The following OGG1 variants were observed in gnomAD, a reference collection of about 807,000 sequenced individuals.
The protein encoded by OGG1 is 8-oxoguanine DNA glycosylase.
OGG1 carries 35 observed loss-of-function variants against 42.3 expected under a neutral mutation model. The observed-to-expected ratio is 0.83, with a 90% CI of 0.63 to 1.10. The LOEUF (loss-of-function observed/expected upper bound fraction) is 1.10. Ranked by LOEUF, OGG1 falls within the 50% of genes least tolerant of loss-of-function variation. OGG1 has a pLI of 0.00. For missense variants in OGG1, 484 were observed against 446.7 expected, an observed-to-expected ratio of 1.08 and a Z score of -0.75; for synonymous variants, 189 against 179.0, an observed-to-expected ratio of 1.06 and a Z score of -0.44.
At chr3:9,771,973 C>T (rs145336741) in intron 2 of OGG1, among the ~76,000 whole-genome samples, 215 of 152,084 alleles carry the variant, frequency 1.4e-3, no homozygotes, top group African/African-American at 4.8e-3. Flanking sequence ...TGAACCAACA[C>T]GCCCAACTAA....
downstream of OGG1, chr3:9,760,086 C>CAA (rs35548060): frequency 9.1e-6 from 2 of 220,300 alleles, no homozygotes; most frequent in South Asian, 6.7e-5. Flanking sequence ...ACTAAAAATA[C>CAA]AAAAAAAATT....
At chr3:9,766,524 C>T in exon 8 of OGG1, 1 of 443,344 alleles carries the variant, frequency 2.3e-6, no homozygotes, top group Non-Finnish European at 3.7e-6. Flanking sequence ...TAGGCCCTGC[C>T]CCAGATTTAC....
chr3:9,759,283 G>A (rs779020582), downstream of OGG1: 3 of 1,610,134 alleles, frequency 1.9e-6, no homozygotes, highest in South Asian at 1.1e-5. Flanking sequence ...CTCTAGACTT[G>A]GAGGTGAGGG....
chr3:9,756,986 C>T, intron 6 of OGG1, 75 bp from the exon 7 acceptor site: 1 of 1,612,840 alleles, frequency 6.2e-7, no homozygotes, highest in Non-Finnish European at 8.5e-7. Flanking sequence ...CTTCCACCTC[C>T]CAACACTGTC....
chr3:9,761,242 T>C (rs2077852535), downstream of OGG1: 8 of 494,698 alleles, frequency 1.6e-5, no homozygotes, highest in Non-Finnish European at 2.8e-5. Flanking sequence ...GCAGGCACTT[T>C]GTCTGGTTTG....
At chr3:9,786,877 G>A in intron 3 of OGG1, 1 of 796,644 alleles carries the variant, frequency 1.3e-6, no homozygotes, top group Non-Finnish European at 2.1e-6. Flanking sequence ...ATTAGTCCAG[G>A]TTTTTACTTT....
intron 4 of OGG1, among the ~76,000 whole-genome samples, chr3:9,755,824 A>T (rs911809603): frequency 6.6e-6 from 1 of 150,860 alleles, no homozygotes; most frequent in African/African-American, 2.4e-5. Context: ...TTTTTTTTTG[A>T]TGGGCTTTGG....
chr3:9,758,031 C>G (rs372661748), downstream of OGG1: 5 of 829,090 alleles, frequency 6.0e-6, no homozygotes, highest in East Asian at 1.1e-4. Flanking sequence ...CACACACACA[C>G]GCACATATGT....
rs2077463769 is a variant in OGG1, at chr3:9,754,838, G to A, written c.700G>A (p.Glu234Lys). 6.2e-7 allele frequency: 1 copy of A among 1,610,144 alleles called. No homozygotes were observed. Among genetic ancestry groups the A allele is most frequent in the African/African-American group, 1.3e-5 (1 of 74,892 alleles). Residue 234 changes from glutamate to lysine, a missense_variant, in exon 4 of 7, where the codon GAG (glutamate) becomes AAG (lysine). Glu to Lys is a moderately conservative substitution (Grantham distance 56). Coordinates refer to ENST00000344629, the MANE Select transcript of OGG1 (RefSeq NM_002542.6). Reference protein sequence around the residue: ...WLQQLRESSYEEAHKALCILP... With the variant: ...WLQQLRESSYKEAHKALCILP... Reference sequence around the variant, plus strand: ...GCAGCAGCTACGAGAGTCCTCATATGAGGAGGCCCACAAGGCCCTCTGCAT... The same window carrying A: ...GCAGCAGCTACGAGAGTCCTCATATAAGGAGGCCCACAAGGCCCTCTGCAT...
chr3:9,774,122 T>C (rs1448695943), intron 2 of OGG1, among the ~76,000 whole-genome samples: 1 of 152,062 alleles, frequency 6.6e-6, no homozygotes, highest in Non-Finnish European at 1.5e-5. Context: ...TTTTTTAAAA[T>C]TCTTTGGCTG....
chr3:9,779,157 C>G (rs1373911820), intron 2 of OGG1, among the ~76,000 whole-genome samples: 3 of 152,180 alleles, frequency 2.0e-5, no homozygotes, highest in Admixed American at 2.0e-4. Flanking sequence ...TTCCCTGTTT[C>G]CTACTCAGAT....
At chr3:9,772,109 C>T (rs927719263) in intron 2 of OGG1, among the ~76,000 whole-genome samples, 19 of 152,282 alleles carry the variant, frequency 1.2e-4, no homozygotes, top group Admixed American at 9.8e-4. Flanking sequence ...TGAGCTACCG[C>T]GCCCAGCTGA....
intron 2 of OGG1, among the ~76,000 whole-genome samples, chr3:9,776,538 C>T (rs1460203522): frequency 4.0e-5 from 6 of 151,782 alleles, no homozygotes; most frequent in African/African-American, 1.2e-4. Context: ...TACAGGTGCC[C>T]GCCACCACGC....
downstream of OGG1, chr3:9,758,743 C>A: frequency 5.0e-6 from 1 of 201,414 alleles, no homozygotes. Context: ...AATTCTCCTG[C>A]CTCAGCTTCC....
downstream of OGG1, chr3:9,759,030 C>T: frequency 1.4e-6 from 1 of 710,416 alleles, no homozygotes; most frequent in South Asian, 1.5e-5. Context: ...CATATGAGGC[C>T]CTAAGAGGCC....
downstream of OGG1, chr3:9,761,760 T>C (rs572307672): frequency 6.2e-7 from 1 of 1,613,894 alleles, no homozygotes; most frequent in South Asian, 1.1e-5. Flanking sequence ...TTCTCTGGCT[T>C]GAAGGGCAGG....
chr3:9,757,427 G>C, downstream of OGG1: 1 of 1,608,610 alleles, frequency 6.2e-7, no homozygotes, highest in Non-Finnish European at 8.5e-7. This position sits in a 1 kb window ranked among gnomAD's most constrained non-coding sequence, Gnocchi z 4.5. Context: ...GAGTGGTAGG[G>C]AAGCAGGTGA....
At chr3:9,786,520 G>C (rs1300200295) in intron 3 of OGG1, among the ~76,000 whole-genome samples, 1 of 152,120 alleles carries the variant, frequency 6.6e-6, no homozygotes. Context: ...CTGAAGCTAG[G>C]GTTTGAATCC....
At chr3:9,790,405 T>G (rs959371497), downstream of OGG1, among the ~76,000 whole-genome samples, 1 of 152,206 alleles carries the variant, frequency 6.6e-6, no homozygotes, top group African/African-American at 2.4e-5. Flanking sequence ...CATTCATCCT[T>G]TTAGGTCCAG....
Sources: gnomAD v4.1 joint callset for allele counts (sites outside exome capture counted in the v4.1 genomes callset) on GRCh38, gnomAD v4.1.1 for gene constraint, Gnocchi (gnomAD v3.1) non-coding constraint, MANE v1.5 for transcripts, NCBI Gene and HGNC (gene_info 2026-07-23, HGNC 2026-07-21) for gene names.